The following PLEKHG5 variants were observed in gnomAD, a reference collection of about 807,000 sequenced individuals.
The protein encoded by PLEKHG5 is pleckstrin homology domain-containing family G member 5.
A neutral mutation model predicts 103.8 loss-of-function variants in PLEKHG5; 52 were observed. The ratio of observed to expected loss-of-function variants is 0.50; its 90% CI spans 0.40 to 0.63. The LOEUF (loss-of-function observed/expected upper bound fraction) is 0.63, where lower values mean the gene tolerates loss of function less well. Ranked by LOEUF, PLEKHG5 falls within the 30% of genes least tolerant of loss-of-function variation. The probability of loss-of-function intolerance (pLI) is 0.00; values close to 1 mark genes in which losing one functional copy is unlikely to be tolerated. For missense variants in PLEKHG5, 1,205 were observed against 1,347.6 expected (o/e 0.89, Z 1.66); for synonymous variants, 592 against 575.5 (o/e 1.03, Z -0.41).
upstream of PLEKHG5, chr1:6,497,303 TCC>T: frequency 9.2e-7 from 1 of 1,089,446 alleles, no homozygotes; most frequent in Non-Finnish European, 1.3e-6. This position sits in a 1 kb window ranked among gnomAD's most constrained non-coding sequence, Gnocchi z 6.1. Context: ...GTCCGCCGGG[TCC>T]CCGCCTGCAC....
chr1:6,477,351 C>T lies in PLEKHG5; in HGVS notation c.43+178G>A, dbSNP rs116767674. ...GAAAGGCCTGCCTCTGGAAGGGGCA[C>T]GCTCATGGACTTTCTCTCTTGCTAA... On this transcript the variant is annotated intron_variant, in intron 2 of 20. Transcript: ENST00000377728. Among the ~76,000 whole-genome samples, 70 of 152,318 alleles carry T rather than the reference C, an allele frequency of 4.6e-4. 1 individual carries two copies. In the East Asian group the frequency reaches 0.012, roughly 26 times the overall value.
chr1:6,493,520 C>G (rs188931113), upstream of PLEKHG5, among the ~76,000 whole-genome samples: 1 of 152,180 alleles, frequency 6.6e-6, no homozygotes, highest in Non-Finnish European at 1.5e-5. Flanking sequence ...GCCTCCGTTT[C>G]CTTACAAGTC....
At chr1:6,497,107 C>T (rs370058826), upstream of PLEKHG5, 15 of 1,451,814 alleles carry the variant, frequency 1.0e-5, no homozygotes, top group Middle Eastern at 1.8e-4. The surrounding 1 kb of genome is among the most constrained non-coding windows in gnomAD (Gnocchi z 6.1). Context: ...GGGGGCAGAG[C>T]GGCGCAACCA....
chr1:6,474,600 C>G lies in PLEKHG5; in HGVS notation c.303-13G>C. 6.2e-7 allele frequency: 1 copy of G among 1,613,196 alleles called. No homozygotes were observed. Among genetic ancestry groups the G allele is most frequent in the Non-Finnish European group, 8.5e-7 (1 of 1,179,896 alleles). On this transcript the variant is annotated splice_polypyrimidine_tract_variant and intron_variant, in intron 5 of 20. Coordinates refer to ENST00000377728, the MANE Select transcript of PLEKHG5 (RefSeq NM_020631.6). ...CAGCAGCACCTCCCTGCCCCCAGGA[C>G]AGGAGGCATGTGTGTTAGAACCAGG... is the stretch of plus-strand genomic sequence containing the variant.
At chr1:6,485,853 G>T in intron 1 of PLEKHG5, 1 of 987,750 alleles carries the variant, frequency 1.0e-6, no homozygotes, top group Non-Finnish European at 1.2e-6. Flanking sequence ...CCTCTGCGCG[G>T]CCCCGGGCCC....
At chr1:6,468,888 C>T (rs1162290783) in intron 19 of PLEKHG5, among the ~76,000 whole-genome samples, 154 bp downstream of exon 19, 1 of 152,190 alleles carries the variant, frequency 6.6e-6, no homozygotes, top group Non-Finnish European at 1.5e-5. Context: ...TGTCTGCCCT[C>T]CCCACCCGGA....
intron 1 of PLEKHG5, among the ~76,000 whole-genome samples, chr1:6,508,483 CA>C (rs1392047535): frequency 2.6e-5 from 4 of 152,204 alleles, no homozygotes; most frequent in African/African-American, 9.7e-5. Context: ...CCCAGTGGGT[CA>C]GGGGAGGCCC....
intron 1 of PLEKHG5, among the ~76,000 whole-genome samples, chr1:6,482,549 C>T (rs2148608253): frequency 6.6e-6 from 1 of 152,184 alleles, no homozygotes; most frequent in East Asian, 1.9e-4. Flanking sequence ...GTATCTCATC[C>T]CATAAGATAA....
chr1:6,473,172 C>G lies in PLEKHG5; in HGVS notation c.798G>C (p.Glu266Asp). The G allele has an allele frequency of 6.2e-7, 1 of 1,613,816 alleles. No homozygotes were observed. Among genetic ancestry groups the G allele is most frequent in the Non-Finnish European group, 8.5e-7 (1 of 1,180,000 alleles). The change falls in exon 9 of 21, where the codon GAG (glutamate) becomes GAC (aspartate). Residue 266 changes from glutamate (E) to aspartate (D), a missense_variant and splice_region_variant. By Grantham distance (45) the Glu-to-Asp change is conservative. Coordinates refer to ENST00000377728, the MANE Select transcript of PLEKHG5 (RefSeq NM_020631.6). ...SGPSTSAFGR[E>D]VDKMEQLEGK... ...CCTCCAGCTGCTCCATCTTGTCTAC[C>G]TCCTGGAAAGATACCCTGGTCAGGG...
At chr1:6,468,949 T>C (rs757569859) in intron 19 of PLEKHG5, 93 bp downstream of exon 19, 58 of 1,064,960 alleles carry the variant, frequency 5.4e-5, no homozygotes, top group Non-Finnish European at 8.1e-5. Context: ...CAAGAGGCCA[T>C]TGGGAGGAAG....
chr1:6,518,479 GA>G (rs1362852268), intron 1 of PLEKHG5, among the ~76,000 whole-genome samples: 1 of 148,858 alleles, frequency 6.7e-6, no homozygotes, highest in Non-Finnish European at 1.5e-5. Context: ...AGAATCACTT[GA>G]ACCCAGGAGG....
At chr1:6,516,889 C>CACAT (rs1553180749) in intron 1 of PLEKHG5, among the ~76,000 whole-genome samples, 1 of 37,772 alleles carries the variant, frequency 2.6e-5, no homozygotes, top group Non-Finnish European at 6.5e-5. Context: ...TATATATACA[C>CACAT]ATATATATAT....
upstream of PLEKHG5, among the ~76,000 whole-genome samples, chr1:6,492,854 C>T (rs1466613292): frequency 2.0e-5 from 3 of 152,054 alleles, no homozygotes; most frequent in Non-Finnish European, 1.5e-5. Flanking sequence ...ACAGTCCAGA[C>T]CCCTCATCTG....
At position 6,470,509 on chromosome 1, in the gene PLEKHG5, G is replaced by A. The variant is rs765908543; in HGVS notation, c.1677C>T (p.Asp559=). 1.2e-6 allele frequency: 2 copies of A among 1,610,204 alleles called. No homozygotes were observed. Among genetic ancestry groups the A allele is most frequent in the Admixed American group, 1.7e-5 (1 of 60,028 alleles). ...CCCCGCAGACACACACGCCCACCTT[G>A]TCCACTTCGTCGCTGCTGCTTTCCA... ...EVVESSSDEV[D]KLLKEFLHLD... The change falls in exon 15 of 21, where the codon GAC becomes GAT. Residue 559 remains aspartate (D), a synonymous_variant. Coordinates refer to ENST00000377728, the MANE Select transcript of PLEKHG5 (RefSeq NM_020631.6).
rs769048416 is a variant in PLEKHG5 at position 6,467,170 on chromosome 1, G to A, written c.*393C>T. 12 of 394,626 alleles carry A rather than the reference G, an allele frequency of 3.0e-5. No individual in the cohort carries two copies. Among genetic ancestry groups the A allele is most frequent in the East Asian group, 5.7e-5 (1 of 17,606 alleles). 24.4% of individuals were successfully genotyped at this position (394,626 alleles called of 1,614,324 possible). ...AAAGAACCAAAAGCTCAATAAATAC[G>A]TAACTTCACAGAACCCAGCCCAAGC... On this transcript the variant is annotated 3_prime_UTR_variant, in exon 21 of 21. Coordinates refer to ENST00000377728, the MANE Select transcript of PLEKHG5 (RefSeq NM_020631.6).
In PLEKHG5 at chr1:6,487,412, C is replaced by A. The variant is rs533600131; in HGVS notation, c.-88+4225G>T. 6.6e-6 allele frequency among the ~76,000 whole-genome samples: 1 copy of A among 152,198 alleles called. No individual in the cohort carries two copies. On this transcript the variant is annotated intron_variant, in intron 1 of 20. Coordinates refer to ENST00000377728, the MANE Select transcript of PLEKHG5 (RefSeq NM_020631.6). This position sits in a 1 kb window ranked among gnomAD's most constrained non-coding sequence, Gnocchi z 4.1. Reference sequence around the variant, plus strand: ...GATTACAGGCATGAGCCACCACACCCGGCCAACAGGCAGAGTTTTGAAAAC... The same window carrying A: ...GATTACAGGCATGAGCCACCACACCAGGCCAACAGGCAGAGTTTTGAAAAC...
Position 6,470,900 on chromosome 1 carries a change from G to T in PLEKHG5, c.1393-16C>A. 7.1e-7 allele frequency: 1 copy of T among 1,405,436 alleles called. No homozygotes were observed. Among genetic ancestry groups the T allele is most frequent in the South Asian group, 1.2e-5 (1 of 80,408 alleles). 87.1% of individuals were successfully genotyped at this position (1,405,436 alleles called of 1,614,324 possible). On this transcript the variant is annotated splice_polypyrimidine_tract_variant and intron_variant, in intron 13 of 20. Transcript: ENST00000377728. ...TCTCCGCCCACTGCGGTGGGGGAGT[G>T]GGGGCGGGCTCAGGGCAGGCCCCGC... is the stretch of plus-strand genomic sequence containing the variant.
At chr1:6,493,024 G>A (rs1295389810), upstream of PLEKHG5, among the ~76,000 whole-genome samples, 1 of 151,722 alleles carries the variant, frequency 6.6e-6, no homozygotes, top group Non-Finnish European at 1.5e-5. Flanking sequence ...GACTCCAGTT[G>A]CCTCCAGGAA....
At chr1:6,478,801 G>A (rs1335395761) in intron 1 of PLEKHG5, among the ~76,000 whole-genome samples, 5 of 151,932 alleles carry the variant, frequency 3.3e-5, no homozygotes, top group East Asian at 1.9e-4. Flanking sequence ...AATCCACCAC[G>A]CCCGACTAAT....
Sources: gnomAD v4.1 joint callset for allele counts (sites outside exome capture counted in the v4.1 genomes callset) on GRCh38, gnomAD v4.1.1 for gene constraint, Gnocchi (gnomAD v3.1) non-coding constraint, MANE v1.5 for transcripts, NCBI Gene and HGNC (gene_info 2026-07-23, HGNC 2026-07-21) for gene names.